Variants in PSMD12 observed in about 807,000 individuals in gnomAD.
PSMD12 encodes 26S proteasome non-ATPase regulatory subunit 12.
A neutral mutation model predicts 62.9 loss-of-function variants in PSMD12; 8 were observed. The observed-to-expected ratio is 0.13, with a 90% CI of 0.07 to 0.23. PSMD12 has a LOEUF of 0.23. Among genes scored for constraint, PSMD12 ranks in the 10% least tolerant of loss-of-function variants. PSMD12 has a pLI of 1.00. For synonymous variants in PSMD12, 173 were observed against 187.4 expected (o/e 0.92, Z 0.63); for missense variants, 424 against 550.2 (o/e 0.77, Z 2.29).
rs958404313 is a variant in PSMD12 at position 67,345,823 on chromosome 17, G to C, written c.830C>G (p.Ala277Gly). 1 of 1,613,754 alleles carries C rather than the reference G, an allele frequency of 6.2e-7. No individual in the cohort carries two copies. Among genetic ancestry groups the C allele is most frequent in the African/African-American group, 1.3e-5 (1 of 75,010 alleles). Residue 277 changes from alanine (A) to glycine (G), a missense_variant, in exon 8 of 11, where the codon GCT becomes GGT. Coordinates refer to ENST00000356126, the MANE Select transcript of PSMD12 (RefSeq NM_002816.5). ...ATCTGACTGTTCATTGTCAAAAGGAGCCAGGATAACATAGAGTACAACACT... is the reference window on the plus strand; with the variant it reads ...ATCTGACTGTTCATTGTCAAAAGGACCCAGGATAACATAGAGTACAACACT... ...LKSVVLYVIL[A>G]PFDNEQSDLV...
chr17:67,366,006 A>G (rs1264707536), intron 1 of PSMD12, among the ~76,000 whole-genome samples: 2 of 152,192 alleles, frequency 1.3e-5, no homozygotes, highest in Non-Finnish European at 2.9e-5. Context: ...GCACATAGCC[A>G]TGATCCACAA....
intron 9 of PSMD12, among the ~76,000 whole-genome samples, chr17:67,343,652 A>T (rs952988206): frequency 2.0e-5 from 3 of 152,138 alleles, no homozygotes; most frequent in African/African-American, 7.2e-5. Flanking sequence ...CTTTTTATTT[A>T]TAAGTACGTC....
Position 67,340,734 on chromosome 17 carries a change from A to C in PSMD12, c.*109T>G. On this transcript the variant is annotated 3_prime_UTR_variant, in exon 11 of 11. Coordinates refer to ENST00000356126, the MANE Select transcript of PSMD12 (RefSeq NM_002816.5). Reference sequence around the variant, plus strand: ...GAGTCTCAAACATATTCACTATTTTAAAATTTAAGACAAAGAAGCTTAGAA... The same window carrying C: ...GAGTCTCAAACATATTCACTATTTTCAAATTTAAGACAAAGAAGCTTAGAA... The C allele has an allele frequency of 1.2e-6, 1 of 828,772 alleles. No individual in the cohort carries two copies. Among genetic ancestry groups the C allele is most frequent in the Non-Finnish European group, 1.8e-6 (1 of 568,814 alleles). 51.3% of individuals were successfully genotyped at this position (828,772 alleles called of 1,614,324 possible). A position where few individuals can be genotyped will look rare whatever the true frequency, so the allele number is the denominator to read the frequency against.
intron 3 of PSMD12, 146 bp from the exon 4 acceptor site, chr17:67,350,482 T>G: frequency 1.9e-6 from 1 of 523,098 alleles, no homozygotes; most frequent in Non-Finnish European, 3.3e-6. Context: ...CACATCGAAA[T>G]CTCACTGATA....
chr17:67,347,156 T>C lies in PSMD12; in HGVS notation c.755A>G (p.Asp252Gly). The C allele has an allele frequency of 6.2e-7, 1 of 1,613,226 alleles. No homozygotes were observed. The stretch of plus-strand genomic sequence containing the variant: ...ACTTTCTGCCTGTATACAGGGAGTA[T>C]CATATATTGCTCTGTAGTGCTTACA... ...SICKHYRAIY[D>G]TPCIQAESEK... Residue 252 changes from aspartate to glycine, a missense_variant, in exon 7 of 11, where the codon GAT (aspartate) becomes GGT (glycine). Coordinates refer to ENST00000356126, the MANE Select transcript of PSMD12 (RefSeq NM_002816.5).
intron 8 of PSMD12, among the ~76,000 whole-genome samples, chr17:67,345,233 A>G (rs772085101): frequency 2.0e-5 from 3 of 152,260 alleles, no homozygotes; most frequent in Non-Finnish European, 4.4e-5. Flanking sequence ...TAAGCAATTT[A>G]GAAGAAAGTA....
intron 8 of PSMD12, among the ~76,000 whole-genome samples, chr17:67,345,279 A>G (rs2041954097): frequency 6.6e-6 from 1 of 152,236 alleles, no homozygotes; most frequent in Non-Finnish European, 1.5e-5. Context: ...GCAATGCTAA[A>G]AAAAAATTCC....
chr17:67,345,146 AACT>A (rs1458127447), intron 8 of PSMD12, among the ~76,000 whole-genome samples: 2 of 152,236 alleles, frequency 1.3e-5, no homozygotes, highest in African/African-American at 2.4e-5. Flanking sequence ...CAAAGCTCTA[AACT>A]ACTAATGATG....
At chr17:67,343,452 C>T (rs2041934072) in intron 9 of PSMD12, among the ~76,000 whole-genome samples, 2 of 152,252 alleles carry the variant, frequency 1.3e-5, no homozygotes, top group South Asian at 4.1e-4. Context: ...TCCACACTCA[C>T]TCTCAGAGGG....
At position 67,355,659 on chromosome 17, in the gene PSMD12, A is replaced by T. The variant is rs1331380672; in HGVS notation, c.297+1644T>A. Among the ~76,000 whole-genome samples, 9 of 152,350 alleles carry T rather than the reference A, an allele frequency of 5.9e-5. No homozygotes were observed. In the South Asian group the frequency reaches 1.9e-3, roughly 32 times the overall value. The stretch of plus-strand genomic sequence containing the variant: ...AACTACTCAGGAAACAGTATTTAAA[A>T]GATGAGATAAAAATGTAAAAAATGA... On this transcript the variant is annotated intron_variant, in intron 3 of 10. Transcript: ENST00000356126.
Position 67,344,625 on chromosome 17 carries a change from T to C in PSMD12, c.1064A>G (p.Lys355Arg), listed in dbSNP as rs77853500. ...EEGEKRWKDLKNRVVEHNIRI... is the reference protein window; with the variant it reads ...EEGEKRWKDLRNRVVEHNIRI... Reference sequence around the variant, plus strand: ...TCTTACATGTTCAACAACTCTGTTCTTCAAGTCTTTCCACCTTTTTTCACC... The same window carrying C: ...TCTTACATGTTCAACAACTCTGTTCCTCAAGTCTTTCCACCTTTTTTCACC... Residue 355 changes from lysine (K) to arginine (R), a missense_variant, in exon 9 of 11, where the codon AAG becomes AGG. Coordinates refer to ENST00000356126, the MANE Select transcript of PSMD12 (RefSeq NM_002816.5). The C allele has an allele frequency of 5.0e-6, 8 of 1,611,088 alleles. No homozygotes were observed. In the East Asian group the frequency reaches 1.6e-4, roughly 31 times the overall value.
chr17:67,344,388 G>A (rs1471574300), intron 9 of PSMD12, among the ~76,000 whole-genome samples: 2 of 152,126 alleles, frequency 1.3e-5, no homozygotes, highest in East Asian at 1.9e-4. Flanking sequence ...GAAATGCAGA[G>A]TAAACATCTG....
chr17:67,353,711 A>C (rs1044079171), intron 3 of PSMD12, among the ~76,000 whole-genome samples: 1 of 152,226 alleles, frequency 6.6e-6, no homozygotes, highest in African/African-American at 2.4e-5. Context: ...TGGGCCACAG[A>C]GACATTTATG....
At chr17:67,354,523 A>G (rs951905986) in intron 3 of PSMD12, among the ~76,000 whole-genome samples, 13 of 152,334 alleles carry the variant, frequency 8.5e-5, no homozygotes, top group Admixed American at 7.8e-4. Context: ...CTAATACTAC[A>G]TAAAACATAA....
intron 3 of PSMD12, 29 bp downstream of exon 3, chr17:67,357,274 G>A: frequency 1.3e-6 from 2 of 1,588,570 alleles, no homozygotes; most frequent in Non-Finnish European, 1.7e-6. Flanking sequence ...ATGCTTTTGT[G>A]TTTGGAGCAG....
intron 5 of PSMD12, 66 bp downstream of exon 5, chr17:67,348,484 A>G (rs2041988598): frequency 6.1e-6 from 8 of 1,312,650 alleles, no homozygotes; most frequent in African/African-American, 1.5e-5. Flanking sequence ...TACTCAACCT[A>G]TATTTCCATT....
intron 1 of PSMD12, among the ~76,000 whole-genome samples, chr17:67,365,398 T>C (rs1202379958): frequency 6.6e-6 from 1 of 152,114 alleles, no homozygotes; most frequent in African/African-American, 2.4e-5. Flanking sequence ...ATAATAGTAA[T>C]AGCCATCGCA....
intron 1 of PSMD12, among the ~76,000 whole-genome samples, chr17:67,366,082 T>C (rs899693729): frequency 4.6e-5 from 7 of 152,214 alleles, no homozygotes; most frequent in African/African-American, 1.7e-4. Context: ...CTAGCCTTAA[T>C]ACTGAAGCGG....
At chr17:67,344,145 TC>T (rs1214064998) in intron 9 of PSMD12, among the ~76,000 whole-genome samples, 1 of 152,176 alleles carries the variant, frequency 6.6e-6, no homozygotes, top group Non-Finnish European at 1.5e-5. Flanking sequence ...ACTAAAAAGA[TC>T]AAAGTTCAGG....
Sources: gnomAD v4.1 joint callset for allele counts (sites outside exome capture counted in the v4.1 genomes callset) on GRCh38, gnomAD v4.1.1 for gene constraint, MANE v1.5 for transcripts, NCBI Gene and HGNC (gene_info 2026-07-23, HGNC 2026-07-21) for gene names.